The following FAM98B variants were observed in gnomAD, a reference collection of about 807,000 sequenced individuals.
FAM98B encodes tRNA splicing ligase complex subunit 3B.
Under a neutral mutation model 43.9 loss-of-function variants are expected in FAM98B, and 32 were observed. The observed-to-expected ratio is 0.73, with a 90% confidence interval of 0.55 to 0.98. The LOEUF is 0.98. Among genes scored for constraint, FAM98B ranks in the 50% least tolerant of loss-of-function variants. The probability of loss-of-function intolerance (pLI) is 0.00; values close to 1 mark genes in which losing one functional copy is unlikely to be tolerated. For missense variants in FAM98B, 514 were observed against 522.9 expected, an observed-to-expected ratio of 0.98 and a Z score of 0.17; for synonymous variants, 190 against 174.0, an observed-to-expected ratio of 1.09 and a Z score of -0.72.
intron 1 of FAM98B, chr15:38,458,873 G>A: frequency 4.4e-6 from 2 of 454,720 alleles, no homozygotes; most frequent in Non-Finnish European, 8.8e-6. Context: ...CACAGGCACT[G>A]CATTCTCTGG....
At chr15:38,462,842 C>T (rs934004578) in intron 1 of FAM98B, among the ~76,000 whole-genome samples, 15 of 152,122 alleles carry the variant, frequency 9.9e-5, no homozygotes, top group Admixed American at 3.9e-4. Context: ...TTAAAAGAAT[C>T]GGGGCTCCTT....
intron 6 of FAM98B, among the ~76,000 whole-genome samples, chr15:38,476,150 G>GA (rs1387035168): frequency 6.6e-6 from 1 of 152,062 alleles, no homozygotes; most frequent in Non-Finnish European, 1.5e-5. Context: ...TTTCACATTT[G>GA]AATATAAAAT....
intron 2 of FAM98B, among the ~76,000 whole-genome samples, chr15:38,464,541 A>G (rs1889998690): frequency 6.6e-6 from 1 of 151,990 alleles, no homozygotes; most frequent in African/African-American, 2.4e-5. Flanking sequence ...AATATTATAT[A>G]TATATAATTC....
chr15:38,477,857 G>GT (rs1890226304), intron 6 of FAM98B, among the ~76,000 whole-genome samples: 1 of 152,180 alleles, frequency 6.6e-6, no homozygotes, highest in African/African-American at 2.4e-5. Flanking sequence ...GTTAAGAGCT[G>GT]TAAGTTACCA....
intron 1 of FAM98B, among the ~76,000 whole-genome samples, chr15:38,460,382 G>A (rs1408375431): frequency 6.6e-6 from 1 of 151,708 alleles, no homozygotes; most frequent in Admixed American, 6.6e-5. Context: ...ACTGCAAGAG[G>A]AGAAGGAGTG....
intron 3 of FAM98B, 111 bp downstream of exon 3, chr15:38,465,514 T>C: frequency 1.0e-6 from 1 of 1,003,800 alleles, no homozygotes; most frequent in Middle Eastern, 3.3e-4. Context: ...AGGGTTTTAA[T>C]ATTTTACTTA....
intron 3 of FAM98B, among the ~76,000 whole-genome samples, chr15:38,469,254 C>T (rs1250239686): frequency 1.3e-5 from 2 of 151,904 alleles, no homozygotes; most frequent in Non-Finnish European, 1.5e-5. Context: ...TAAAACAAGA[C>T]TATAATCATT....
At chr15:38,459,858 A>G (rs1177703654) in intron 1 of FAM98B, among the ~76,000 whole-genome samples, 2 of 152,248 alleles carry the variant, frequency 1.3e-5, no homozygotes, top group African/African-American at 4.8e-5. Flanking sequence ...GAAGAAATGG[A>G]CAGTATAGCA....
At chr15:38,455,223 G>T (rs186208147) in intron 1 of FAM98B, among the ~76,000 whole-genome samples, 1 of 152,306 alleles carries the variant, frequency 6.6e-6, no homozygotes, top group Non-Finnish European at 1.5e-5. Context: ...ATGAAGAAAA[G>T]CTTAGAGAAG....
intron 1 of FAM98B, among the ~76,000 whole-genome samples, chr15:38,462,682 GATAA>G (rs1454004038): frequency 6.6e-6 from 1 of 152,032 alleles, no homozygotes; most frequent in Non-Finnish European, 1.5e-5. Flanking sequence ...TGTAAGAGAA[GATAA>G]ATAAAAATGT....
chr15:38,463,569 TA>T (rs1238977062), intron 1 of FAM98B, among the ~76,000 whole-genome samples: 2 of 152,028 alleles, frequency 1.3e-5, no homozygotes, highest in African/African-American at 4.8e-5. Context: ...AGGTTTAGAT[TA>T]AAATGATCTA....
chr15:38,465,416 G>T lies in FAM98B; in HGVS notation c.352+13G>T. On this transcript the variant is annotated intron_variant, in intron 3 of 7. Coordinates refer to ENST00000397609, the MANE Select transcript of FAM98B (RefSeq NM_173611.4). The stretch of plus-strand genomic sequence containing the variant: ...TTGAAACTTCTATGTAAGTTATCTT[G>T]AACATTTAAATGCATGTGTTTGACA... The T allele has an allele frequency of 6.4e-7, 1 of 1,570,194 alleles. No individual in the cohort carries two copies. The highest frequency in any genetic ancestry group is 1.2e-5 in the South Asian group (1 of 81,444).
Position 38,481,273 on chromosome 15 carries a change from C to A in FAM98B, c.730-19C>A. On this transcript the variant is annotated intron_variant, in intron 6 of 7. Coordinates refer to ENST00000397609, the MANE Select transcript of FAM98B (RefSeq NM_173611.4). ...AAAATGTACTTTTGTTCCTTTTTTCCTTAACTCTTGTCATTTAGGTAAAAA... is the reference window on the plus strand; with the variant it reads ...AAAATGTACTTTTGTTCCTTTTTTCATTAACTCTTGTCATTTAGGTAAAAA... The A allele has an allele frequency of 6.3e-7, 1 of 1,577,816 alleles. No homozygotes were observed. Among genetic ancestry groups the A allele is most frequent in the Non-Finnish European group, 8.6e-7 (1 of 1,157,574 alleles).
At position 38,475,564 on chromosome 15, in the gene FAM98B, C is replaced by T. The variant is rs77731106; in HGVS notation, c.729+1266C>T. Among the ~76,000 whole-genome samples, 1,303 of 152,172 alleles carry T rather than the reference C, an allele frequency of 8.6e-3. 52 individuals carry two copies. The East Asian group carries it at 0.12, about 14-fold the overall frequency. On this transcript the variant is annotated intron_variant, in intron 6 of 7. Coordinates refer to ENST00000397609, the MANE Select transcript of FAM98B (RefSeq NM_173611.4). ...TCTCCTCTCTTCAGAGCCAGTAGCC[C>T]GGTAGAATCTTCCAGCCTTTCTCTC...
intron 7 of FAM98B, 118 bp downstream of exon 7, chr15:38,481,577 A>G: frequency 6.2e-7 from 1 of 1,608,714 alleles, no homozygotes; most frequent in Non-Finnish European, 8.5e-7. Flanking sequence ...AAAGAGTGGC[A>G]GGGGGGTTCA....
Position 38,472,483 on chromosome 15 carries a change from ATTTTT to A in FAM98B, c.532-1019_532-1015del, listed in dbSNP as rs1330884806. 4.6e-5 allele frequency among the ~76,000 whole-genome samples: 7 copies of A among 152,148 alleles called. No homozygotes were observed. The South Asian group carries it at 1.5e-3, about 32-fold the overall frequency. ...ATTTGCACAGGTTCTTTCTAAGCTAATTTTTTTAAAACACCATTTATGAAATGTAA... is the reference window on the plus strand; with the variant it reads ...ATTTGCACAGGTTCTTTCTAAGCTAATTAAAACACCATTTATGAAATGTAA... On this transcript the variant is annotated intron_variant, in intron 4 of 7. Coordinates refer to ENST00000397609, the MANE Select transcript of FAM98B (RefSeq NM_173611.4).
rs1232341181 is a variant in FAM98B at position 38,470,621 on chromosome 15, C to T, written c.531+216C>T. 1.1e-5 allele frequency: 4 copies of T among 357,304 alleles called. No individual in the cohort carries two copies. The East Asian group carries it at 2.0e-4, about 18-fold the overall frequency. The allele number at this position is 357,304 out of a possible 1,614,324, so 22.1% of individuals were successfully genotyped here. A position where few individuals can be genotyped will look rare whatever the true frequency, so the allele number is the denominator to read the frequency against. On this transcript the variant is annotated intron_variant, in intron 4 of 7. Transcript: ENST00000397609. Reference sequence around the variant, plus strand: ...GAATCAAATCTTAATGAGTTACTGGCCTTCAGCTTTGCCAGAGTTTACCAT... The same window carrying T: ...GAATCAAATCTTAATGAGTTACTGGTCTTCAGCTTTGCCAGAGTTTACCAT...
chr15:38,456,619 G>T (rs909078446), intron 1 of FAM98B, among the ~76,000 whole-genome samples: 2 of 152,108 alleles, frequency 1.3e-5, no homozygotes. Context: ...CAAAGGAAAA[G>T]AACAGGGTGA....
chr15:38,470,456 A>C (rs781350274), intron 4 of FAM98B, 51 bp downstream of exon 4: 1 of 1,447,240 alleles, frequency 6.9e-7, no homozygotes, highest in Admixed American at 2.4e-5. Context: ...GGTAACATGT[A>C]AGTGCTATAT....
Sources: allele counts gnomAD v4.1 joint callset (sites outside exome capture counted in the v4.1 genomes callset), GRCh38; gene constraint gnomAD v4.1.1; transcripts MANE v1.5; gene names NCBI Gene and HGNC (gene_info 2026-07-23, HGNC 2026-07-21).